The following RASA3 variants were observed in gnomAD, a reference collection of about 807,000 sequenced individuals.
The protein encoded by RASA3 is RAS p21 protein activator 3.
A neutral mutation model predicts 110.0 loss-of-function variants in RASA3; 73 were observed. The observed-to-expected ratio is 0.66, with a 90% CI of 0.55 to 0.81. The LOEUF (loss-of-function observed/expected upper bound fraction) is 0.81, where lower values mean the gene tolerates loss of function less well. Among genes scored for constraint, RASA3 ranks in the 30% least tolerant of loss-of-function variants. The probability of loss-of-function intolerance (pLI) is 0.00; values close to 1 mark genes in which losing one functional copy is unlikely to be tolerated. For missense variants in RASA3, 976 were observed against 1,113.2 expected (o/e 0.88, Z 1.75); for synonymous variants, 500 against 451.4 (o/e 1.11, Z -1.37).
intron 2 of RASA3, among the ~76,000 whole-genome samples, chr13:114,066,611 T>C (rs1284633536): frequency 6.6e-6 from 1 of 152,192 alleles, no homozygotes; most frequent in Admixed American, 6.5e-5. Flanking sequence ...CAGCCTGCCA[T>C]GTGCAGTAGA....
intron 1 of RASA3, among the ~76,000 whole-genome samples, chr13:114,093,646 G>A (rs1266407561): frequency 6.6e-6 from 1 of 152,096 alleles, no homozygotes; most frequent in East Asian, 1.9e-4. Flanking sequence ...GTCTTCTTCT[G>A]CCTTGTTTTT....
At chr13:114,059,892 C>G (rs1489730647) in intron 2 of RASA3, among the ~76,000 whole-genome samples, 1 of 152,258 alleles carries the variant, frequency 6.6e-6, no homozygotes, top group Non-Finnish European at 1.5e-5. Context: ...AAAGTCCTGG[C>G]CCCATGGAGC....
In RASA3 at chr13:114,096,067, C is replaced by T. The variant is rs375028553; in HGVS notation, c.56-22230G>A. On this transcript the variant is annotated intron_variant, in intron 1 of 23. Coordinates refer to ENST00000334062, the MANE Select transcript of RASA3 (RefSeq NM_007368.4). The surrounding 1 kb of genome is among the most constrained non-coding windows in gnomAD (Gnocchi z 5.1). ...GCCACCCTGGGTGGCACTGGTGTGC[C>T]GGGAGGGGGTGCTCTCCAGGTGGCC... 3.3e-5 allele frequency among the ~76,000 whole-genome samples: 5 copies of T among 152,142 alleles called. No homozygotes were observed. The East Asian group carries it at 5.8e-4, about 18-fold the overall frequency.
At chr13:114,026,796 C>T (rs1235826516) in intron 7 of RASA3, among the ~76,000 whole-genome samples, 2 of 152,210 alleles carry the variant, frequency 1.3e-5, no homozygotes, top group African/African-American at 2.4e-5. Flanking sequence ...GTCCCCAAAC[C>T]GCACCGGCCA....
intron 1 of RASA3, among the ~76,000 whole-genome samples, chr13:114,088,937 G>A (rs909450207): frequency 8.5e-5 from 13 of 152,130 alleles, no homozygotes; most frequent in African/African-American, 2.7e-4. Context: ...AAGTAGAGAC[G>A]ATCCGTAAGA....
At chr13:114,012,955 A>G (rs1385252401) in intron 15 of RASA3, among the ~76,000 whole-genome samples, 187 bp downstream of exon 15, 1 of 141,398 alleles carries the variant, frequency 7.1e-6, no homozygotes, top group African/African-American at 2.7e-5. Flanking sequence ...AACACTCCCC[A>G]TTCCACACAC....
At chr13:114,069,055 C>T (rs2079507011) in intron 2 of RASA3, among the ~76,000 whole-genome samples, 1 of 152,194 alleles carries the variant, frequency 6.6e-6, no homozygotes, top group Non-Finnish European at 1.5e-5. Flanking sequence ...CCCAGGGGCC[C>T]GGGCCACACG....
chr13:113,990,021 G>A (rs957760910), intron 22 of RASA3, among the ~76,000 whole-genome samples: 4 of 152,154 alleles, frequency 2.6e-5, no homozygotes, highest in Admixed American at 1.3e-4. Context: ...TGCTGTTCTC[G>A]TGATAGTGAG....
rs2079985017 is a variant in RASA3 at position 114,098,999 on chromosome 13, CCGAGCCCCCCAGACCACAGCAG to C, written c.56-25184_56-25163del. ...ACCACAGCAGTCGGGGCCCGGCCAC[CCGAGCCCCCCAGACCACAGCAG>C]TCGGGGCCCGGCCACCCGAGCCCCC... On this transcript the variant is annotated intron_variant, in intron 1 of 23. Transcript: ENST00000334062. Among the ~76,000 whole-genome samples, 8 of 113,464 alleles carry C rather than the reference CCGAGCCCCCCAGACCACAGCAG, an allele frequency of 7.1e-5. 3 individuals are homozygous for C. The highest frequency in any genetic ancestry group is 1.7e-4 in the Admixed American group (2 of 11,818). The allele number at this position is 113,464 out of a possible 152,430, so 74.4% of individuals were successfully genotyped here.
chr13:114,018,495 C>T (rs939357195), intron 10 of RASA3, among the ~76,000 whole-genome samples: 21 of 152,212 alleles, frequency 1.4e-4, no homozygotes, highest in Non-Finnish European at 2.1e-4. Flanking sequence ...GCCCCTGAGC[C>T]GGTAGAGGGA....
chr13:114,032,023 G>C (rs1217215823), intron 4 of RASA3, among the ~76,000 whole-genome samples: 1 of 152,194 alleles, frequency 6.6e-6, no homozygotes, highest in South Asian at 2.1e-4. Flanking sequence ...AGCCAGCCTT[G>C]AGTGGTAAAT....
chr13:114,123,054 CG>C (rs998024925), intron 1 of RASA3, among the ~76,000 whole-genome samples: 3 of 152,234 alleles, frequency 2.0e-5, no homozygotes, highest in Non-Finnish European at 4.4e-5. Flanking sequence ...GACACACCTT[CG>C]GTGCGTGCCC....
rs541677588 is a variant in RASA3, at chr13:114,066,416, G to C, written c.173+7304C>G. On this transcript the variant is annotated intron_variant, in intron 2 of 23. Coordinates refer to ENST00000334062, the MANE Select transcript of RASA3 (RefSeq NM_007368.4). ...GCGGCCGAGGAGCGGGAGGCGGCCG[G>C]GCGAGAGGAGGCCCGGGCAGGAGGG... is the stretch of plus-strand genomic sequence containing the variant. 9.7e-4 allele frequency among the ~76,000 whole-genome samples: 147 copies of C among 152,320 alleles called. 2 individuals are homozygous for C. The highest frequency in any genetic ancestry group is 6.8e-3 in the Middle Eastern group (2 of 294).
intron 2 of RASA3, among the ~76,000 whole-genome samples, chr13:114,059,311 G>A (rs564592669): frequency 6.6e-6 from 1 of 152,322 alleles, no homozygotes; most frequent in African/African-American, 2.4e-5. Flanking sequence ...TCAGGCCCTG[G>A]TAAGCTTCAC....
intron 3 of RASA3, among the ~76,000 whole-genome samples, chr13:114,044,573 T>A (rs1032571469): frequency 8.0e-6 from 1 of 124,792 alleles, no homozygotes; most frequent in Admixed American, 8.1e-5. Context: ...CGGGCGCCTT[T>A]GACTTCAAGG....
At chr13:114,101,293 A>C (rs57756632) in intron 1 of RASA3, among the ~76,000 whole-genome samples, 1 of 152,148 alleles carries the variant, frequency 6.6e-6, no homozygotes, top group African/African-American at 2.4e-5. Context: ...GCCATGTGCT[A>C]GGAAGGGGTT....
At chr13:114,077,878 T>TAA in intron 1 of RASA3, 1 of 856,526 alleles carries the variant, frequency 1.2e-6, no homozygotes, top group Non-Finnish European at 1.4e-6. Flanking sequence ...ATGCATTTAA[T>TAA]AAAAAAAAAA....
chr13:114,068,539 C>T (rs1205316406), intron 2 of RASA3, among the ~76,000 whole-genome samples: 2 of 152,210 alleles, frequency 1.3e-5, no homozygotes, highest in Non-Finnish European at 2.9e-5. Flanking sequence ...TTCTGCTGGA[C>T]AAGACGGTGA....
In RASA3 at chr13:114,044,516, G is replaced by GCC. The variant is rs1353784623; in HGVS notation, c.278-3424_278-3423dup. ...CCCGCCTCACTCGCTGAGCTCCCCC[G>GCC]CCGCCTCACTCGCTGAGCCCCCCGC... On this transcript the variant is annotated intron_variant, in intron 3 of 23. Transcript: ENST00000334062. Among the ~76,000 whole-genome samples, 24 of 2,612 alleles carry GCC rather than the reference G, an allele frequency of 9.2e-3. 4 individuals carry two copies. Among genetic ancestry groups the GCC allele is most frequent in the African/African-American group, 0.053 (16 of 304 alleles). 1.7% of individuals were successfully genotyped at this position (2,612 alleles called of 152,430 possible). A position where few individuals can be genotyped will look rare whatever the true frequency, so the allele number is the denominator to read the frequency against.
Sources: allele counts gnomAD v4.1 joint callset (sites outside exome capture counted in the v4.1 genomes callset), GRCh38; gene constraint gnomAD v4.1.1; non-coding constraint Gnocchi (gnomAD v3.1); transcripts MANE v1.5; gene names NCBI Gene and HGNC (gene_info 2026-07-23, HGNC 2026-07-21).